The following CEP83 variants were observed in gnomAD, a reference collection of about 807,000 sequenced individuals.
CEP83 encodes the protein centrosomal protein 83.
In CEP83, 70 loss-of-function variants were observed where a neutral mutation model predicts 101.9. The observed-to-expected ratio is 0.69, with a 90% CI of 0.57 to 0.84. The LOEUF is 0.84. CEP83 is among the 40% of genes least tolerant of loss of function. The pLI is 0.00. For missense variants in CEP83, 715 were observed against 787.2 expected (o/e 0.91, Z 1.10); for synonymous variants, 264 against 267.9 (o/e 0.99, Z 0.14).
chr12:94,354,348 A>G (rs1217008767), intron 11 of CEP83, among the ~76,000 whole-genome samples: 6 of 151,612 alleles, frequency 4.0e-5, no homozygotes, highest in Non-Finnish European at 8.8e-5. Flanking sequence ...AACCCAATCA[A>G]TTTTTTTCTG....
At chr12:94,313,510 A>G (rs565467699) in intron 14 of CEP83, among the ~76,000 whole-genome samples, 1 of 147,606 alleles carries the variant, frequency 6.8e-6, no homozygotes. Context: ...ACCCTGGACA[A>G]CAGATCAAGA....
chr12:94,352,256 T>C (rs567502213), intron 11 of CEP83, among the ~76,000 whole-genome samples: 2 of 151,880 alleles, frequency 1.3e-5, no homozygotes, highest in Admixed American at 6.6e-5. Flanking sequence ...CCGTCTCTAC[T>C]AAAAATACAA....
chr12:94,372,120 T>G (rs541257237), intron 8 of CEP83, among the ~76,000 whole-genome samples: 1 of 152,216 alleles, frequency 6.6e-6, no homozygotes, highest in South Asian at 2.1e-4. Flanking sequence ...ATTACAGGCA[T>G]GCACCACCAC....
chr12:94,414,707 G>A (rs904439018), intron 2 of CEP83, among the ~76,000 whole-genome samples: 1 of 152,144 alleles, frequency 6.6e-6, no homozygotes, highest in Non-Finnish European at 1.5e-5. Context: ...ATTCCTAAAT[G>A]TAAGTTTAGA....
intron 11 of CEP83, among the ~76,000 whole-genome samples, chr12:94,354,883 G>A (rs974168439): frequency 2.6e-5 from 4 of 152,004 alleles, no homozygotes; most frequent in Non-Finnish European, 4.4e-5. Flanking sequence ...GGTGGCACAC[G>A]CCTTGCTACT....
At chr12:94,395,803 A>T (rs1445327197) in intron 6 of CEP83, among the ~76,000 whole-genome samples, 1 of 152,248 alleles carries the variant, frequency 6.6e-6, no homozygotes, top group African/African-American at 2.4e-5. Context: ...CCTGGAGGAC[A>T]GAGTGAGATT....
chr12:94,265,816 G>A, the CEP83 span, among the ~76,000 whole-genome samples: 5 of 151,786 alleles, frequency 3.3e-5, no homozygotes, highest in Admixed American at 6.5e-5. Context: ...GGTTTCACCC[G>A]CTTGAGAACT....
At chr12:94,303,731 G>GTTT, downstream of CEP83, 10 of 1,113,690 alleles carry the variant, frequency 9.0e-6, no homozygotes, top group South Asian at 4.4e-5. Flanking sequence ...GGTGATGGTT[G>GTTT]CTTTTTTTTT....
At chr12:94,290,031 T>C in the CEP83 span, among the ~76,000 whole-genome samples, 1 of 152,240 alleles carries the variant, frequency 6.6e-6, no homozygotes, top group Non-Finnish European at 1.5e-5. Flanking sequence ...GCAGCGTTCC[T>C]TATCAGAAGG....
intron 2 of CEP83, among the ~76,000 whole-genome samples, chr12:94,420,252 C>T (rs1467354512): frequency 6.6e-6 from 1 of 152,104 alleles, no homozygotes; most frequent in African/African-American, 2.4e-5. Flanking sequence ...AATACATATA[C>T]TATGACTCAG....
At chr12:94,331,621 C>G in intron 14 of CEP83, 79 bp downstream of exon 14, 1 of 1,280,718 alleles carries the variant, frequency 7.8e-7, no homozygotes, top group Non-Finnish European at 1.1e-6. Flanking sequence ...ATCCACCTGC[C>G]TCCGCCTCCC....
At chr12:94,386,762 T>A (rs2062172850) in intron 6 of CEP83, among the ~76,000 whole-genome samples, 1 of 152,204 alleles carries the variant, frequency 6.6e-6, no homozygotes, top group Admixed American at 6.5e-5. Flanking sequence ...TAGATTTGAA[T>A]CCTGACCATA....
intron 1 of CEP83, among the ~76,000 whole-genome samples, chr12:94,457,686 T>C (rs984596911): frequency 1.3e-5 from 2 of 152,224 alleles, no homozygotes; most frequent in Non-Finnish European, 2.9e-5. Context: ...AACATTAAAC[T>C]TCAAGTTCCA....
intron 14 of CEP83, among the ~76,000 whole-genome samples, chr12:94,330,806 C>T: frequency 6.6e-6 from 1 of 152,148 alleles, no homozygotes; most frequent in East Asian, 1.9e-4. Flanking sequence ...CTGAAAAACA[C>T]CTTCTGTATG....
At chr12:94,455,607 G>A (rs1190946589) in intron 1 of CEP83, among the ~76,000 whole-genome samples, 2 of 152,176 alleles carry the variant, frequency 1.3e-5, no homozygotes, top group Non-Finnish European at 2.9e-5. Flanking sequence ...ACAGAAGATA[G>A]GTGCTTTCCA....
chr12:94,423,294 G>A (rs753667250), intron 2 of CEP83, among the ~76,000 whole-genome samples: 1 of 152,030 alleles, frequency 6.6e-6, no homozygotes, highest in Non-Finnish European at 1.5e-5. Flanking sequence ...ATGTTGGTCA[G>A]GCTGGTCTTG....
chr12:94,292,875 A>G, the CEP83 span, among the ~76,000 whole-genome samples: 6 of 152,198 alleles, frequency 3.9e-5, no homozygotes, highest in African/African-American at 1.4e-4. Context: ...CAACCTGTAT[A>G]TACCTACAGA....
the CEP83 span, among the ~76,000 whole-genome samples, chr12:94,267,389 T>C: frequency 6.6e-6 from 1 of 152,154 alleles, no homozygotes; most frequent in Non-Finnish European, 1.5e-5. Context: ...AGACCATGTG[T>C]TTCTGATTTG....
chr12:94,416,274 TGACAAACG>T (rs2064257914), intron 2 of CEP83, among the ~76,000 whole-genome samples: 1 of 152,164 alleles, frequency 6.6e-6, no homozygotes, highest in Non-Finnish European at 1.5e-5. Context: ...TTTAGGTATA[TGACAAACG>T]TAAGACTCTG....
Sources: gnomAD v4.1 joint callset for allele counts (sites outside exome capture counted in the v4.1 genomes callset) on GRCh38, gnomAD v4.1.1 for gene constraint, MANE v1.5 for transcripts, NCBI Gene and HGNC (gene_info 2026-07-23, HGNC 2026-07-21) for gene names.